LUZP2: variants seen among roughly 807,000 people sequenced by gnomAD.
The protein encoded by LUZP2 is leucine zipper protein 2.
Under a neutral mutation model 51.6 loss-of-function variants are expected in LUZP2, and 52 were observed. That is an observed-to-expected ratio of 1.01 (90% CI 0.81 to 1.27). The LOEUF (loss-of-function observed/expected upper bound fraction) is 1.27. LUZP2 is among the 50% of genes most tolerant of loss of function. The pLI, the probability that LUZP2 is intolerant of heterozygous loss-of-function variation, is 0.00. For missense variants in LUZP2, 436 were observed against 395.4 expected (o/e 1.10, Z -0.87); for synonymous variants, 154 against 137.3 (o/e 1.12, Z -0.85).
chr11:24,691,579 G>A (rs1041507610), intron 1 of LUZP2, among the ~76,000 whole-genome samples: 12 of 150,424 alleles, frequency 8.0e-5, no homozygotes, highest in African/African-American at 2.9e-4. Flanking sequence ...TCTCCTTCAG[G>A]TATATAAAAC....
At chr11:24,932,761 A>G (rs1260244897) in intron 7 of LUZP2, among the ~76,000 whole-genome samples, 4 of 151,990 alleles carry the variant, frequency 2.6e-5, no homozygotes, top group Non-Finnish European at 4.4e-5. Flanking sequence ...TTCAGGTTTC[A>G]CGCCTCCCTG....
intron 5 of LUZP2, chr11:24,785,753 A>T (rs776090664): frequency 3.5e-5 from 16 of 457,246 alleles, no homozygotes; most frequent in Non-Finnish European, 4.0e-5. Flanking sequence ...GTGCTATTAT[A>T]TAAACTGTTA....
chr11:24,832,915 TA>T (rs10707941), intron 5 of LUZP2, among the ~76,000 whole-genome samples: 23,776 of 152,070 alleles, frequency 0.16, 2,058 homozygotes, highest in African/African-American at 0.22. Context: ...GAGTATGATT[TA>T]TTACATAACT....
At chr11:24,547,212 AAAC>A (rs1054571850) in intron 1 of LUZP2, among the ~76,000 whole-genome samples, 27 of 151,788 alleles carry the variant, frequency 1.8e-4, no homozygotes, top group African/African-American at 6.3e-4. Flanking sequence ...AGAAAAAAAA[AAAC>A]TATCCTAAAA....
chr11:24,755,873 G>C (rs1002129373), intron 4 of LUZP2, among the ~76,000 whole-genome samples: 2 of 152,050 alleles, frequency 1.3e-5, no homozygotes, highest in South Asian at 4.1e-4. Context: ...TTTTGAAATG[G>C]CTCTTTTTAT....
intron 5 of LUZP2, among the ~76,000 whole-genome samples, chr11:24,837,003 C>G (rs1454490594): frequency 7.0e-6 from 1 of 142,744 alleles, no homozygotes; most frequent in Non-Finnish European, 1.5e-5. Context: ...TAAAGTCTTT[C>G]AGTAGGTAAT....
intron 1 of LUZP2, among the ~76,000 whole-genome samples, chr11:24,659,428 G>A (rs1213070238): frequency 2.0e-5 from 3 of 152,058 alleles, no homozygotes; most frequent in Non-Finnish European, 4.4e-5. Flanking sequence ...TGTGGGGTGG[G>A]GGGAGCGGGG....
chr11:25,034,264 TA>T (rs1470397717), intron 9 of LUZP2, among the ~76,000 whole-genome samples: 1 of 152,182 alleles, frequency 6.6e-6, no homozygotes, highest in East Asian at 1.9e-4. Context: ...TTCCCATTTT[TA>T]ACAGGGTTAT....
chr11:24,921,398 C>G (rs144039175), intron 7 of LUZP2, among the ~76,000 whole-genome samples: 148 of 152,102 alleles, frequency 9.7e-4, no homozygotes, highest in African/African-American at 2.7e-3. Flanking sequence ...AAATGAGGGT[C>G]GCCATGATGT....
At chr11:24,857,304 C>A (rs5011179) in intron 5 of LUZP2, among the ~76,000 whole-genome samples, 2 of 47,774 alleles carry the variant, frequency 4.2e-5, no homozygotes, top group African/African-American at 8.6e-5. Flanking sequence ...TATATATATA[C>A]ATATATATAC....
chr11:24,679,471 C>T (rs952787575), intron 1 of LUZP2, among the ~76,000 whole-genome samples: 1 of 152,006 alleles, frequency 6.6e-6, no homozygotes, highest in Non-Finnish European at 1.5e-5. Context: ...ATGACAGACA[C>T]TAAGCTAGGT....
intron 9 of LUZP2, among the ~76,000 whole-genome samples, chr11:25,020,807 AATTG>A (rs1857310803): frequency 6.6e-6 from 1 of 151,910 alleles, no homozygotes; most frequent in Non-Finnish European, 1.5e-5. Context: ...AAAATTATTC[AATTG>A]ATTGTATTCT....
At chr11:24,512,573 TA>T (rs1188936090) in intron 1 of LUZP2, among the ~76,000 whole-genome samples, 2 of 152,052 alleles carry the variant, frequency 1.3e-5, no homozygotes, top group Admixed American at 1.3e-4. Flanking sequence ...TGGTACTTTT[TA>T]TTTCAAATAT....
intron 5 of LUZP2, among the ~76,000 whole-genome samples, chr11:24,903,499 A>AG (rs1381326833): frequency 6.6e-6 from 1 of 152,172 alleles, no homozygotes; most frequent in Admixed American, 6.6e-5. Flanking sequence ...TGGAATTCTA[A>AG]GTGGGGAACT....
At chr11:24,667,192 T>C (rs1039951945) in intron 1 of LUZP2, among the ~76,000 whole-genome samples, 4 of 149,630 alleles carry the variant, frequency 2.7e-5, no homozygotes, top group Non-Finnish European at 5.9e-5. Context: ...TTCTTTTTTT[T>C]TTTTTTTTTG....
intron 5 of LUZP2, among the ~76,000 whole-genome samples, chr11:24,898,348 G>A (rs1046875190): frequency 2.0e-5 from 3 of 152,176 alleles, no homozygotes; most frequent in African/African-American, 7.2e-5. Context: ...TTTAAGGCCG[G>A]GCGCGGTGGC....
intron 5 of LUZP2, among the ~76,000 whole-genome samples, chr11:24,853,949 G>C (rs10834506): frequency 0.15 from 23,052 of 152,128 alleles, 1,905 homozygotes; most frequent in African/African-American, 0.2. Context: ...ACCAGTGGAG[G>C]CTGTAGAACA....
chr11:24,526,578 A>G (rs1370628725), intron 1 of LUZP2, among the ~76,000 whole-genome samples: 6 of 151,160 alleles, frequency 4.0e-5, no homozygotes, highest in African/African-American at 1.2e-4. Flanking sequence ...TCATTTAACT[A>G]TGTTCCATGG....
At chr11:24,997,577 C>T (rs1022320574) in intron 9 of LUZP2, among the ~76,000 whole-genome samples, 4 of 152,134 alleles carry the variant, frequency 2.6e-5, no homozygotes, top group African/African-American at 4.8e-5. Context: ...GTTGCCTGTT[C>T]ACTCTGATGG....
Sources: gnomAD v4.1 joint callset for allele counts (sites outside exome capture counted in the v4.1 genomes callset) on GRCh38, gnomAD v4.1.1 for gene constraint, MANE v1.5 for transcripts, NCBI Gene and HGNC (gene_info 2026-07-23, HGNC 2026-07-21) for gene names.